The following UGT1A4 variants were observed in gnomAD, a reference collection of about 807,000 sequenced individuals.
The protein encoded by UGT1A4 is UDP glucuronosyltransferase family 1 member A4, also known as UDP-glucuronosyltransferase 1A4.
A neutral mutation model predicts 41.1 loss-of-function variants in UGT1A4; 32 were observed. The ratio of observed to expected loss-of-function variants is 0.78; its 90% confidence interval spans 0.59 to 1.05. The LOEUF is 1.05. Among genes scored for constraint, UGT1A4 ranks in the 50% least tolerant of loss-of-function variants. The pLI is 0.00. For missense variants in UGT1A4, 748 were observed against 677.4 expected (o/e 1.10, Z -1.16); for synonymous variants, 283 against 265.1 (o/e 1.07, Z -0.66).
chr2:233,719,742 A>T (rs2076802630), intron 1 of UGT1A4, 55 bp downstream of exon 1: 1 of 1,613,130 alleles, frequency 6.2e-7, no homozygotes, highest in Non-Finnish European at 8.5e-7. Flanking sequence ...CTTTTTAAAA[A>T]ATGTATTTAC....
chr2:233,751,910 A>G (rs1006806920), intron 1 of UGT1A4, among the ~76,000 whole-genome samples: 1 of 152,180 alleles, frequency 6.6e-6, no homozygotes, highest in African/African-American at 2.4e-5. Context: ...AGAACAGACT[A>G]ATACAAGATT....
intron 1 of UGT1A4, among the ~76,000 whole-genome samples, chr2:233,762,541 G>A (rs1437791654): frequency 6.6e-6 from 1 of 152,290 alleles, no homozygotes; most frequent in African/African-American, 2.4e-5. Flanking sequence ...GTGTACCACA[G>A]TGTATTCTGC....
At chr2:233,722,896 G>A (rs1455405356) in intron 1 of UGT1A4, among the ~76,000 whole-genome samples, 3 of 126,364 alleles carry the variant, frequency 2.4e-5, no homozygotes, top group Admixed American at 8.2e-5. Flanking sequence ...TTAAGTGGAA[G>A]TGGATCATCA....
At chr2:233,749,246 T>A (rs765293150) in intron 1 of UGT1A4, among the ~76,000 whole-genome samples, 1 of 151,940 alleles carries the variant, frequency 6.6e-6, no homozygotes, top group East Asian at 1.9e-4. Flanking sequence ...TCAAACCACA[T>A]GATTTTTTTA....
At chr2:233,745,642 G>A (rs1693169772) in intron 1 of UGT1A4, among the ~76,000 whole-genome samples, 2 of 151,344 alleles carry the variant, frequency 1.3e-5, no homozygotes, top group Admixed American at 1.3e-4. Context: ...GCTGGCCGAG[G>A]GTAGAGTTCA....
intron 1 of UGT1A4, chr2:233,754,534 G>A (rs1695504785): frequency 2.7e-6 from 1 of 372,112 alleles, no homozygotes; most frequent in Non-Finnish European, 5.3e-6. Flanking sequence ...GGCAAATGTG[G>A]ACTGGAATTA....
chr2:233,738,615 C>T lies in UGT1A4; in HGVS notation c.867+18928C>T, dbSNP rs190192640. 3.7e-3 allele frequency among the ~76,000 whole-genome samples: 556 copies of T among 152,294 alleles called. 1 individual carries two copies. Among genetic ancestry groups the T allele is most frequent in the Admixed American group, 7.3e-3 (112 of 15,298 alleles). ...CTTGCTAAGCTTTAGCAAAGAAACT[C>T]GTGGCATTTTTGCCCCTGCCCTAGA... is the stretch of plus-strand genomic sequence containing the variant. On this transcript the variant is annotated intron_variant, in intron 1 of 4. Coordinates refer to ENST00000373409, the MANE Select transcript of UGT1A4 (RefSeq NM_007120.3).
intron 4 of UGT1A4, chr2:233,770,944 AC>A: frequency 6.6e-6 from 1 of 152,138 alleles, no homozygotes; most frequent in Non-Finnish European, 1.5e-5. Context: ...TGCCGGGGGA[AC>A]CTCAGGGAGC....
chr2:233,750,975 G>A (rs1468208410), intron 1 of UGT1A4, among the ~76,000 whole-genome samples: 2 of 151,842 alleles, frequency 1.3e-5, no homozygotes, highest in African/African-American at 2.4e-5. Flanking sequence ...GCCTAGTGGA[G>A]TTGTGAGAAG....
At chr2:233,767,711 C>G (rs990338657) in intron 2 of UGT1A4, 138 bp from the exon 3 acceptor site, 47 of 1,530,966 alleles carry the variant, frequency 3.1e-5, no homozygotes, top group Non-Finnish European at 4.1e-5. Flanking sequence ...TCCTCAGAAG[C>G]CTTCACAGTT....
intron 1 of UGT1A4, among the ~76,000 whole-genome samples, chr2:233,757,540 A>ATATATATATATATATATATATATATG (rs1696599685): frequency 2.6e-5 from 3 of 116,538 alleles, no homozygotes; most frequent in Non-Finnish European, 5.4e-5. Flanking sequence ...TAAGGAATAT[A>ATATATATATATATATATATATATATG]TATATATATA....
intron 1 of UGT1A4, among the ~76,000 whole-genome samples, chr2:233,720,042 G>T (rs1048137470): frequency 2.0e-5 from 3 of 152,186 alleles, no homozygotes; most frequent in African/African-American, 7.2e-5. Flanking sequence ...CTGATTTTCA[G>T]CTGAACGGTG....
chr2:233,757,875 A>G (rs776201583), intron 1 of UGT1A4, among the ~76,000 whole-genome samples: 1 of 152,028 alleles, frequency 6.6e-6, no homozygotes, highest in Non-Finnish European at 1.5e-5. Flanking sequence ...AGTAGCTTCA[A>G]AAGGGTTCCA....
intron 1 of UGT1A4, among the ~76,000 whole-genome samples, chr2:233,759,961 C>T (rs1009122794): frequency 6.6e-6 from 1 of 152,158 alleles, no homozygotes; most frequent in Non-Finnish European, 1.5e-5. Context: ...ACATAGTCGT[C>T]CTTCTTCCTC....
intron 1 of UGT1A4, chr2:233,747,298 G>T: frequency 6.2e-7 from 1 of 1,602,264 alleles, no homozygotes; most frequent in Non-Finnish European, 8.5e-7. Flanking sequence ...GGCTGAGAGT[G>T]GGAAGGTGCT....
At chr2:233,732,813 A>G (rs1272687468) in intron 1 of UGT1A4, among the ~76,000 whole-genome samples, 1 of 131,564 alleles carries the variant, frequency 7.6e-6, no homozygotes, top group Non-Finnish European at 1.6e-5. Flanking sequence ...TTTTGATTCC[A>G]TATGAACTTT....
intron 1 of UGT1A4, among the ~76,000 whole-genome samples, chr2:233,722,554 T>C (rs1040385246): frequency 9.9e-5 from 15 of 152,232 alleles, no homozygotes; most frequent in Non-Finnish European, 2.1e-4. Context: ...TTCTTTTGGT[T>C]GATTTGTAGC....
chr2:233,762,899 T>C (rs1698190736), intron 1 of UGT1A4, among the ~76,000 whole-genome samples: 1 of 152,218 alleles, frequency 6.6e-6, no homozygotes, highest in Non-Finnish European at 1.5e-5. Context: ...ATGCCAAATA[T>C]CAGGGCTATT....
At chr2:233,725,185 C>G (rs113275054) in intron 1 of UGT1A4, among the ~76,000 whole-genome samples, 730 of 70,066 alleles carry the variant, frequency 0.01, 54 homozygotes, top group African/African-American at 0.042. Context: ...TGGGGAGAGG[C>G]AGAGGCAGAG....
Sources: allele counts gnomAD v4.1 joint callset (sites outside exome capture counted in the v4.1 genomes callset), GRCh38; gene constraint gnomAD v4.1.1; transcripts MANE v1.5; gene names NCBI Gene and HGNC (gene_info 2026-07-23, HGNC 2026-07-21).